SLAMF6: variants seen among roughly 807,000 people sequenced by gnomAD.
SLAMF6 encodes the protein SLAM family member 6, also known as NK-T-B-antigen.
Under a neutral mutation model 38.3 loss-of-function variants are expected in SLAMF6, and 21 were observed. That is an observed-to-expected ratio of 0.55 (90% confidence interval 0.39 to 0.79). SLAMF6 has a LOEUF of 0.79. Ranked by LOEUF, SLAMF6 falls within the 30% of genes least tolerant of loss-of-function variation. The probability of loss-of-function intolerance (pLI) is 0.00; values close to 1 mark genes in which losing one functional copy is unlikely to be tolerated. For missense variants in SLAMF6, 341 were observed against 385.3 expected, an observed-to-expected ratio of 0.89 and a Z score of 0.96; for synonymous variants, 152 against 146.3, an observed-to-expected ratio of 1.04 and a Z score of -0.28.
intron 1 of SLAMF6, among the ~76,000 whole-genome samples, chr1:160,522,807 G>A (rs1183453050): frequency 6.6e-6 from 1 of 152,106 alleles, no homozygotes; most frequent in Non-Finnish European, 1.5e-5. Context: ...ATTGGTATGA[G>A]GGCCCATTTT....
intron 5 of SLAMF6, among the ~76,000 whole-genome samples, chr1:160,489,665 C>T (rs778932908): frequency 8.5e-5 from 13 of 152,140 alleles, no homozygotes; most frequent in African/African-American, 1.2e-4. Flanking sequence ...CTCAAATGCA[C>T]GTCTTCTGAC....
Position 160,486,563 on chromosome 1 carries a change from C to T in SLAMF6, c.*144G>A, listed in dbSNP as rs981595224. On this transcript the variant is annotated 3_prime_UTR_variant, in exon 8 of 8. Transcript: ENST00000368057. ...TGACTCAGGTAGGCAGGTTTAAGTC[C>T]GAAGGACTGGAGGTGATCATCCTAT... 84 of 766,988 alleles carry T rather than the reference C, an allele frequency of 1.1e-4. 1 individual carries two copies. Among genetic ancestry groups the T allele is most frequent in the South Asian group, 9.3e-4 (54 of 57,942 alleles). The allele number at this position is 766,988 out of a possible 1,614,324, so 47.5% of individuals were successfully genotyped here.
intron 1 of SLAMF6, among the ~76,000 whole-genome samples, chr1:160,508,423 T>C (rs1304776512): frequency 1.3e-5 from 2 of 152,206 alleles, no homozygotes; most frequent in Non-Finnish European, 1.5e-5. Flanking sequence ...ACTCCCTATT[T>C]AATAAATGGT....
At chr1:160,508,275 T>C (rs1273281192) in intron 1 of SLAMF6, among the ~76,000 whole-genome samples, 2 of 152,178 alleles carry the variant, frequency 1.3e-5, no homozygotes, top group Non-Finnish European at 2.9e-5. Flanking sequence ...AAGGCTACAG[T>C]AACCAAAACA....
chr1:160,491,039 C>A, intron 3 of SLAMF6, 86 bp downstream of exon 3: 1 of 1,534,032 alleles, frequency 6.5e-7, no homozygotes, highest in Non-Finnish European at 8.9e-7. Context: ...TCCCACTGGG[C>A]CACTGTATTG....
rs1653206703 is a variant in SLAMF6 at position 160,490,178 on chromosome 1, T to G, written c.796+20A>C. 1 of 1,613,228 alleles carries G rather than the reference T, an allele frequency of 6.2e-7. No individual in the cohort carries two copies. Among genetic ancestry groups the G allele is most frequent in the Non-Finnish European group, 8.5e-7 (1 of 1,179,378 alleles). ...TTCCCATCTGCTTTATGATGGAGAG[T>G]TAAGAGTCTGAATGCTCACCGGGGC... On this transcript the variant is annotated intron_variant, in intron 5 of 7. Transcript: ENST00000368057.
At chr1:160,518,846 G>C (rs1654863165) in intron 1 of SLAMF6, among the ~76,000 whole-genome samples, 1 of 151,982 alleles carries the variant, frequency 6.6e-6, no homozygotes, top group Non-Finnish European at 1.5e-5. Flanking sequence ...AGGTTGATAG[G>C]TGCAGCAAAC....
Position 160,491,394 on chromosome 1 carries a change from T to C in SLAMF6, c.383-6A>G, listed in dbSNP as rs147508702. 2,505 of 1,600,882 alleles carry C rather than the reference T, an allele frequency of 1.6e-3. 38 individuals carry two copies. In the African/African-American group the frequency reaches 0.028, roughly 18 times the overall value. On this transcript the variant is annotated splice_region_variant and splice_polypyrimidine_tract_variant and intron_variant, in intron 2 of 7. Coordinates refer to ENST00000368057, the MANE Select transcript of SLAMF6 (RefSeq NM_001184714.2). ...TTGTATGTTCCTCAGTTGTCCTGTT[T>C]GCAGAAAAAAAAAAGATCCAGATTA...
At chr1:160,508,284 C>G (rs1654292673) in intron 1 of SLAMF6, among the ~76,000 whole-genome samples, 1 of 152,166 alleles carries the variant, frequency 6.6e-6, no homozygotes, top group South Asian at 2.1e-4. Context: ...GTAACCAAAA[C>G]AGCATGGTAC....
At chr1:160,515,662 C>T (rs7515302) in intron 1 of SLAMF6, among the ~76,000 whole-genome samples, 50,577 of 151,770 alleles carry the variant, frequency 0.33, 10,546 homozygotes, top group East Asian at 0.58. Context: ...CCACCCTGAT[C>T]GAGTTGGCTT....
intron 1 of SLAMF6, among the ~76,000 whole-genome samples, chr1:160,518,471 T>C (rs1312010959): frequency 6.6e-6 from 1 of 152,020 alleles, no homozygotes; most frequent in East Asian, 1.9e-4. Context: ...TCATTGCACG[T>C]GTATCTTCAT....
chr1:160,510,425 A>G (rs1654412999), intron 1 of SLAMF6, among the ~76,000 whole-genome samples: 1 of 152,194 alleles, frequency 6.6e-6, no homozygotes, highest in Admixed American at 6.5e-5. Flanking sequence ...GCAATGCAAA[A>G]GTGGTTCAAT....
chr1:160,508,707 T>C (rs894035404), intron 1 of SLAMF6, among the ~76,000 whole-genome samples: 1 of 151,986 alleles, frequency 6.6e-6, no homozygotes, highest in Admixed American at 6.6e-5. Context: ...GAAACTACCA[T>C]CAGAGTGAAC....
chr1:160,514,823 A>C (rs979103708), intron 1 of SLAMF6, among the ~76,000 whole-genome samples: 2 of 152,248 alleles, frequency 1.3e-5, no homozygotes, highest in African/African-American at 4.8e-5. Context: ...CAAAGAGACA[A>C]TGTATCAGAA....
intron 1 of SLAMF6, among the ~76,000 whole-genome samples, chr1:160,500,451 G>T (rs1653824244): frequency 6.6e-6 from 1 of 152,088 alleles, no homozygotes; most frequent in South Asian, 2.1e-4. Context: ...TATCCATGCA[G>T]CTCACTCTTT....
intron 1 of SLAMF6, among the ~76,000 whole-genome samples, chr1:160,497,457 GAAT>G (rs1388003116): frequency 2.6e-5 from 4 of 152,132 alleles, no homozygotes; most frequent in African/African-American, 7.2e-5. Context: ...GTCAATGAAT[GAAT>G]AACTATAACA....
At chr1:160,488,998 C>A (rs1653121231) in intron 6 of SLAMF6, 90 bp downstream of exon 6, 1 of 1,226,752 alleles carries the variant, frequency 8.2e-7, no homozygotes, top group South Asian at 1.2e-5. Flanking sequence ...CCTCAGTGGT[C>A]ATTTGTTCAG....
At chr1:160,523,028 C>T in intron 1 of SLAMF6, 116 bp downstream of exon 1, 2 of 1,109,080 alleles carry the variant, frequency 1.8e-6, no homozygotes, top group Non-Finnish European at 2.7e-6. Context: ...GTCCCCTTTC[C>T]CGCCCCAATC....
chr1:160,497,870 C>T (rs1005008760), intron 1 of SLAMF6, among the ~76,000 whole-genome samples: 1 of 152,038 alleles, frequency 6.6e-6, no homozygotes, highest in East Asian at 1.9e-4. Context: ...TTTTCTTTAT[C>T]CAATCCATCA....
Sources: allele counts gnomAD v4.1 joint callset (sites outside exome capture counted in the v4.1 genomes callset), GRCh38; gene constraint gnomAD v4.1.1; transcripts MANE v1.5; gene names NCBI Gene and HGNC (gene_info 2026-07-23, HGNC 2026-07-21).